The following MYLK variants were observed in gnomAD, a reference collection of about 807,000 sequenced individuals.
The protein encoded by MYLK is myosin light chain kinase.
A neutral mutation model predicts 203.4 loss-of-function variants in MYLK; 106 were observed. That is an observed-to-expected ratio of 0.52 (90% CI 0.45 to 0.61). The LOEUF is 0.61. Among genes scored for constraint, MYLK ranks in the 20% least tolerant of loss-of-function variants. The pLI, the probability that MYLK is intolerant of heterozygous loss-of-function variation, is 0.00. For synonymous variants in MYLK, 867 were observed against 959.5 expected (o/e 0.90, Z 1.78); for missense variants, 2,072 against 2,442.3 (o/e 0.85, Z 3.20).
At chr3:123,745,244 C>T (rs2062980340) in intron 5 of MYLK, among the ~76,000 whole-genome samples, 1 of 151,978 alleles carries the variant, frequency 6.6e-6, no homozygotes, top group Non-Finnish European at 1.5e-5. Context: ...CCATCCTGTA[C>T]CCCTAGTGCT....
At chr3:123,879,673 C>T (rs558818917) in intron 1 of MYLK, among the ~76,000 whole-genome samples, 1 of 152,106 alleles carries the variant, frequency 6.6e-6, no homozygotes, top group Admixed American at 6.6e-5. Flanking sequence ...CTCACACTGT[C>T]GCCTGGGCTG....
chr3:123,863,014 C>T (rs563779791), intron 2 of MYLK, among the ~76,000 whole-genome samples: 9 of 152,280 alleles, frequency 5.9e-5, no homozygotes, highest in South Asian at 4.1e-4. Context: ...GGTTTAAATA[C>T]GGGCTCTGCA....
chr3:123,855,071 C>T (rs902520942), intron 2 of MYLK, among the ~76,000 whole-genome samples: 13 of 152,068 alleles, frequency 8.5e-5, no homozygotes, highest in African/African-American at 2.2e-4. Context: ...TGTCTAATTG[C>T]GGGTTAACTT....
At chr3:123,883,367 C>G (rs2033663942) in intron 1 of MYLK, among the ~76,000 whole-genome samples, 1 of 152,156 alleles carries the variant, frequency 6.6e-6, no homozygotes, top group Non-Finnish European at 1.5e-5. Context: ...TCCCTCTAGA[C>G]TCTAGTAGAG....
intron 3 of MYLK, among the ~76,000 whole-genome samples, chr3:123,824,493 G>A (rs1052720353): frequency 1.2e-4 from 19 of 152,162 alleles, no homozygotes; most frequent in African/African-American, 4.6e-4. Flanking sequence ...CATTCAAAGA[G>A]CACTTGTTAA....
chr3:123,667,787 C>T (rs887471293), intron 20 of MYLK, among the ~76,000 whole-genome samples: 1 of 152,096 alleles, frequency 6.6e-6, no homozygotes, highest in African/African-American at 2.4e-5. Context: ...TAGCCCTTTT[C>T]GAAGACGATA....
At chr3:123,797,601 T>C (rs1296013593) in intron 3 of MYLK, among the ~76,000 whole-genome samples, 1 of 152,076 alleles carries the variant, frequency 6.6e-6, no homozygotes, top group Non-Finnish European at 1.5e-5. Flanking sequence ...GGTAGAGACT[T>C]GGGATGAAGG....
At chr3:123,824,089 TTTC>T (rs2066030384) in intron 3 of MYLK, among the ~76,000 whole-genome samples, 1 of 151,160 alleles carries the variant, frequency 6.6e-6, no homozygotes, top group African/African-American at 2.4e-5. Flanking sequence ...TACTTTATTG[TTTC>T]TTTTTTTTTT....
intron 2 of MYLK, among the ~76,000 whole-genome samples, chr3:123,867,364 C>T (rs1383780952): frequency 6.9e-6 from 1 of 144,406 alleles, no homozygotes; most frequent in Non-Finnish European, 1.5e-5. Flanking sequence ...CAGATATAAT[C>T]AGGTTAAGAT....
intron 3 of MYLK, among the ~76,000 whole-genome samples, chr3:123,825,670 G>A (rs1320691095): frequency 6.6e-6 from 1 of 152,152 alleles, no homozygotes; most frequent in South Asian, 2.1e-4. Context: ...CCTGCTCTGG[G>A]GGCCAGTAAG....
intron 4 of MYLK, among the ~76,000 whole-genome samples, chr3:123,792,800 C>T (rs2064832085): frequency 6.6e-6 from 1 of 152,116 alleles, no homozygotes; most frequent in Non-Finnish European, 1.5e-5. Context: ...TCACTAACAT[C>T]CCCAACAATC....
At position 123,834,774 on chromosome 3, in the gene MYLK, C is replaced by T. The variant is rs188166524; in HGVS notation, c.-126-3104G>A. 4.6e-5 allele frequency among the ~76,000 whole-genome samples: 7 copies of T among 152,302 alleles called. No homozygotes were observed. In the East Asian group the frequency reaches 1.4e-3, roughly 29 times the overall value. On this transcript the variant is annotated intron_variant, in intron 2 of 33. Coordinates refer to ENST00000360304, the MANE Select transcript of MYLK (RefSeq NM_053025.4). The stretch of plus-strand genomic sequence containing the variant: ...GAAATGAGTAATTAGCATGACTCTT[C>T]TAGTGCCTGCTCTAAAATACCAATT...
At chr3:123,858,699 G>T (rs531438283) in intron 2 of MYLK, among the ~76,000 whole-genome samples, 132 of 152,150 alleles carry the variant, frequency 8.7e-4, no homozygotes, top group African/African-American at 3.0e-3. Context: ...ATCCATGAAT[G>T]GATTTATCCA....
chr3:123,813,128 C>T (rs1031562402), intron 3 of MYLK, among the ~76,000 whole-genome samples: 15 of 152,230 alleles, frequency 9.9e-5, no homozygotes, highest in African/African-American at 3.6e-4. Context: ...TTATCATCCT[C>T]TACCATTTGA....
At chr3:123,752,299 T>A in intron 5 of MYLK, 32 bp downstream of exon 5, 1 of 1,611,072 alleles carries the variant, frequency 6.2e-7, no homozygotes, top group African/African-American at 1.3e-5. Flanking sequence ...AGAGCTCAGC[T>A]CCCTCCTGGA....
intron 3 of MYLK, among the ~76,000 whole-genome samples, chr3:123,811,944 T>G (rs1054032095): frequency 9.2e-5 from 14 of 152,338 alleles, no homozygotes; most frequent in Admixed American, 3.3e-4. Flanking sequence ...AACCCCCATT[T>G]CTAACAGTTA....
intron 29 of MYLK, among the ~76,000 whole-genome samples, chr3:123,636,187 G>A (rs1025543218): frequency 6.6e-6 from 1 of 152,202 alleles, no homozygotes; most frequent in Non-Finnish European, 1.5e-5. Flanking sequence ...AATTGTCCTG[G>A]TTTGCCTGGG....
chr3:123,844,611 G>C, intron 2 of MYLK, among the ~76,000 whole-genome samples: 1 of 151,978 alleles, frequency 6.6e-6, no homozygotes, highest in Non-Finnish European at 1.5e-5. Flanking sequence ...CCACTCCATC[G>C]GGTTGTGATA....
At chr3:123,771,412 A>G (rs2063877986) in intron 4 of MYLK, among the ~76,000 whole-genome samples, 1 of 152,142 alleles carries the variant, frequency 6.6e-6, no homozygotes, top group Admixed American at 6.5e-5. Flanking sequence ...ATGGCCTAGT[A>G]GGGTTTGCCT....
Sources: gnomAD v4.1 joint callset for allele counts (sites outside exome capture counted in the v4.1 genomes callset) on GRCh38, gnomAD v4.1.1 for gene constraint, MANE v1.5 for transcripts, NCBI Gene and HGNC (gene_info 2026-07-23, HGNC 2026-07-21) for gene names.